Variants in CDH23 observed in about 807,000 individuals in gnomAD.
CDH23 encodes the protein cadherin-23.
CDH23 carries 189 observed loss-of-function variants against 317.1 expected under a neutral mutation model. That is an observed-to-expected ratio of 0.60 (90% CI 0.53 to 0.67). The LOEUF (loss-of-function observed/expected upper bound fraction) is 0.67. Among genes scored for constraint, CDH23 ranks in the 30% least tolerant of loss-of-function variants. The pLI is 0.00. For synonymous variants in CDH23, 1,839 were observed against 1,876.8 expected, an observed-to-expected ratio of 0.98 and a Z score of 0.52; for missense variants, 4,401 against 4,592.4, an observed-to-expected ratio of 0.96 and a Z score of 1.20.
chr10:71,793,392 C>A lies in CDH23; in HGVS notation c.6464C>A (p.Ser2155Ter), dbSNP rs757261031. ...VATDRGTVPLSGTAIVTILID... is the reference protein window; with the variant it reads ...VATDRGTVPL ...ACCGACCGGGGCACCGTTCCTCTCT[C>A]GGGCACAGCCATTGTCACCATTCTG... The change falls in exon 48 of 70, where the codon TCG (serine) becomes TAG (stop). Residue 2155 changes from serine to a stop codon, truncating the protein, a stop_gained. Transcript: ENST00000224721. LOFTEE classifies it high-confidence loss of function. 4 of 1,613,874 alleles carry A rather than the reference C, an allele frequency of 2.5e-6. No individual in the cohort carries two copies. The highest frequency in any genetic ancestry group is 2.2e-5 in the East Asian group (1 of 44,896).
At chr10:71,746,808 G>C (rs1385751206) in intron 38 of CDH23, among the ~76,000 whole-genome samples, 1 of 152,216 alleles carries the variant, frequency 6.6e-6, no homozygotes, top group East Asian at 1.9e-4. Context: ...AGGACCTGCA[G>C]AAGTCACCTA....
At chr10:71,573,154 C>T (rs1473579387) in intron 8 of CDH23, among the ~76,000 whole-genome samples, 2 of 152,158 alleles carry the variant, frequency 1.3e-5, no homozygotes, top group African/African-American at 2.4e-5. Context: ...TGCCAATTAG[C>T]GGACATTAAA....
At chr10:71,476,551 A>G (rs765885184) in intron 3 of CDH23, among the ~76,000 whole-genome samples, 3 of 152,250 alleles carry the variant, frequency 2.0e-5, no homozygotes, top group Middle Eastern at 3.4e-3. Flanking sequence ...TACAAATGGA[A>G]AACCACTGAC....
chr10:71,777,945 C>T, intron 39 of CDH23, 44 bp downstream of exon 39: 1 of 1,600,116 alleles, frequency 6.2e-7, no homozygotes, highest in Non-Finnish European at 8.6e-7. Flanking sequence ...CGAAACCTAT[C>T]CAGGGATTGG....
At chr10:71,636,447 G>T (rs1400459292) in intron 11 of CDH23, among the ~76,000 whole-genome samples, 1 of 152,194 alleles carries the variant, frequency 6.6e-6, no homozygotes, top group African/African-American at 2.4e-5. Context: ...GGTTGAGGCT[G>T]CAGTGAGCAG....
At chr10:71,814,000 C>T (rs928504971) in intron 69 of CDH23, among the ~76,000 whole-genome samples, 2 of 152,212 alleles carry the variant, frequency 1.3e-5, no homozygotes, top group Non-Finnish European at 2.9e-5. Flanking sequence ...AAAAGTCAGG[C>T]TTTACCTAAA....
At chr10:71,725,558 C>A in intron 30 of CDH23, 38 bp downstream of exon 30, 1 of 1,596,096 alleles carries the variant, frequency 6.3e-7, no homozygotes. Context: ...GACCTCAGGA[C>A]GGGGCCAAGC....
chr10:71,751,176 C>A lies in CDH23; in HGVS notation c.4845+9255C>A. ...GGAACCAGGGCCGAGGCCAAGGAGG[C>A]CACTCACAGAGCCAGCCCTGGCTCA... On this transcript the variant is annotated intron_variant, in intron 38 of 69. Transcript: ENST00000224721. The surrounding 1 kb of genome is among the most constrained non-coding windows in gnomAD (Gnocchi z 4.9). The A allele has an allele frequency of 6.6e-7, 1 of 1,512,538 alleles. No homozygotes were observed. Among genetic ancestry groups the A allele is most frequent in the South Asian group, 1.2e-5 (1 of 83,264 alleles). The allele number at this position is 1,512,538 out of a possible 1,614,324, so 93.7% of individuals were successfully genotyped here.
At chr10:71,456,151 G>A (rs1258162870) in intron 3 of CDH23, among the ~76,000 whole-genome samples, 1 of 151,126 alleles carries the variant, frequency 6.6e-6, no homozygotes, top group Non-Finnish European at 1.5e-5. Flanking sequence ...AGGGTAGCCT[G>A]GAGGCTTCCT....
At chr10:71,812,957 C>G in intron 68 of CDH23, 67 bp downstream of exon 68, 1 of 1,591,346 alleles carries the variant, frequency 6.3e-7, no homozygotes, top group Non-Finnish European at 8.6e-7. Flanking sequence ...CCAGAGAACA[C>G]AGGGTGGTAG....
chr10:71,654,750 C>G (rs926142155), intron 14 of CDH23, among the ~76,000 whole-genome samples: 1 of 152,186 alleles, frequency 6.6e-6, no homozygotes, highest in Admixed American at 6.5e-5. Context: ...CCCACGTGTC[C>G]GGACATCTCC....
At chr10:71,688,245 C>T (rs1194714350) in intron 19 of CDH23, among the ~76,000 whole-genome samples, 3 of 152,214 alleles carry the variant, frequency 2.0e-5, no homozygotes, top group Non-Finnish European at 4.4e-5. Context: ...TCTGTTCTGC[C>T]CTTGAGGCAG....
At chr10:71,420,574 A>G (rs1257210422) in intron 1 of CDH23, among the ~76,000 whole-genome samples, 2 of 147,212 alleles carry the variant, frequency 1.4e-5, no homozygotes, top group South Asian at 2.2e-4. Flanking sequence ...GATGATGATG[A>G]TGATGATGGT....
chr10:71,539,040 C>T (rs947128159), intron 6 of CDH23, among the ~76,000 whole-genome samples: 3 of 152,226 alleles, frequency 2.0e-5, no homozygotes, highest in African/African-American at 7.2e-5. Context: ...TGGGGAGTTT[C>T]CGGTGCCTTG....
intron 38 of CDH23, among the ~76,000 whole-genome samples, chr10:71,765,657 A>G (rs1840521973): frequency 6.6e-6 from 1 of 152,146 alleles, no homozygotes; most frequent in Non-Finnish European, 1.5e-5. Context: ...GGGTGGGTGC[A>G]TCAGAGAGAA....
At chr10:71,716,137 G>A (rs764058029) in intron 28 of CDH23, 2 of 1,550,030 alleles carry the variant, frequency 1.3e-6, no homozygotes, top group Non-Finnish European at 1.7e-6. Flanking sequence ...CCCTGCGGCG[G>A]CTCGGGTCCA....
chr10:71,809,337 C>T (rs1168106045), intron 60 of CDH23, among the ~76,000 whole-genome samples: 1 of 151,946 alleles, frequency 6.6e-6, no homozygotes, highest in African/African-American at 2.4e-5. Context: ...CACCACCATG[C>T]CTGGCTAGAT....
At chr10:71,715,921 T>C (rs762421943) in intron 28 of CDH23, 3 of 1,449,170 alleles carry the variant, frequency 2.1e-6, no homozygotes, top group Non-Finnish European at 2.7e-6. Context: ...TGGGGGCATG[T>C]TTGTGGACAC....
intron 3 of CDH23, among the ~76,000 whole-genome samples, chr10:71,481,973 G>C (rs1202139662): frequency 1.3e-5 from 2 of 152,272 alleles, no homozygotes; most frequent in East Asian, 3.9e-4. Flanking sequence ...TGCAAAGGGT[G>C]GGGGGAGTCG....
Sources: gnomAD v4.1 joint callset for allele counts (sites outside exome capture counted in the v4.1 genomes callset) on GRCh38, gnomAD v4.1.1 for gene constraint, Gnocchi (gnomAD v3.1) non-coding constraint, MANE v1.5 for transcripts, NCBI Gene and HGNC (gene_info 2026-07-23, HGNC 2026-07-21) for gene names.